Variants in CSMD1 observed in about 807,000 individuals in gnomAD.
CSMD1 encodes the protein CUB and sushi domain-containing protein 1.
Under a neutral mutation model 417.5 loss-of-function variants are expected in CSMD1, and 213 were observed. The ratio of observed to expected loss-of-function variants is 0.51; its 90% CI spans 0.46 to 0.57. The LOEUF is 0.57. Among genes scored for constraint, CSMD1 ranks in the 20% least tolerant of loss-of-function variants. The pLI, the probability that CSMD1 is intolerant of heterozygous loss-of-function variation, is 0.00. For missense variants in CSMD1, 6,923 were observed against 4,529.7 expected, an observed-to-expected ratio of 1.53 and a Z score of -15.17; for synonymous variants, 2,862 against 1,736.8, an observed-to-expected ratio of 1.65 and a Z score of -16.11.
chr8:4,001,611 C>G (rs531385715), intron 4 of CSMD1, among the ~76,000 whole-genome samples: 3 of 152,166 alleles, frequency 2.0e-5, no homozygotes, highest in Admixed American at 6.5e-5. Flanking sequence ...AATGTTATGC[C>G]CCTGTCTAAT....
intron 10 of CSMD1, among the ~76,000 whole-genome samples, chr8:3,498,759 A>G (rs1185220583): frequency 1.3e-5 from 2 of 151,930 alleles, no homozygotes; most frequent in Non-Finnish European, 2.9e-5. Context: ...TTCTTTTTTC[A>G]TCTTGATCTA....
intron 3 of CSMD1, among the ~76,000 whole-genome samples, chr8:4,413,386 G>A (rs1225976282): frequency 6.6e-6 from 1 of 152,110 alleles, no homozygotes; most frequent in Non-Finnish European, 1.5e-5. Flanking sequence ...GTCACAGGTA[G>A]CACATAAGCC....
chr8:4,588,075 A>G (rs538619575), intron 2 of CSMD1, among the ~76,000 whole-genome samples: 2 of 152,280 alleles, frequency 1.3e-5, no homozygotes, highest in Middle Eastern at 3.4e-3. Context: ...AATCTAATAC[A>G]TGTTCAGTAT....
chr8:4,455,854 C>T (rs976520141), intron 2 of CSMD1, among the ~76,000 whole-genome samples: 1 of 130,496 alleles, frequency 7.7e-6, no homozygotes, highest in Admixed American at 9.3e-5. Flanking sequence ...CTGCTTGAAC[C>T]TGGGAGACAG....
intron 5 of CSMD1, among the ~76,000 whole-genome samples, chr8:3,804,061 C>T (rs541088811): frequency 7.8e-4 from 118 of 152,014 alleles, no homozygotes; most frequent in Non-Finnish European, 3.2e-4. Context: ...TGAGTAGCTG[C>T]GATTACAGAC....
chr8:3,250,586 G>A (rs1800187945), intron 26 of CSMD1, among the ~76,000 whole-genome samples: 2 of 152,184 alleles, frequency 1.3e-5, no homozygotes, highest in Admixed American at 1.3e-4. Flanking sequence ...TAATGGGATG[G>A]CTGGGTCAAA....
intron 1 of CSMD1, among the ~76,000 whole-genome samples, chr8:4,934,680 C>G (rs993436893): frequency 1.3e-5 from 2 of 152,088 alleles, no homozygotes; most frequent in Admixed American, 6.5e-5. Flanking sequence ...CATCTATGAT[C>G]CATCTACTTA....
At chr8:2,969,048 T>C (rs1360784855) in intron 57 of CSMD1, among the ~76,000 whole-genome samples, 1 of 152,146 alleles carries the variant, frequency 6.6e-6, no homozygotes, top group East Asian at 1.9e-4. Context: ...TAGATGTGAA[T>C]ATCTGCTCAT....
intron 25 of CSMD1, among the ~76,000 whole-genome samples, chr8:3,287,522 C>T (rs1247791424): frequency 6.6e-6 from 1 of 152,056 alleles, no homozygotes; most frequent in Non-Finnish European, 1.5e-5. Flanking sequence ...CTTCACATCC[C>T]TTGTAAGTTG....
chr8:3,387,187 A>T (rs1454776353), intron 18 of CSMD1, among the ~76,000 whole-genome samples: 4 of 152,202 alleles, frequency 2.6e-5, no homozygotes, highest in Non-Finnish European at 5.9e-5. Context: ...ATGTGTGGCG[A>T]CTATACCGCC....
intron 3 of CSMD1, among the ~76,000 whole-genome samples, chr8:4,132,882 A>G (rs940583967): frequency 1.4e-4 from 21 of 152,210 alleles, no homozygotes; most frequent in African/African-American, 4.3e-4. Context: ...TTCTATTTCT[A>G]GAAAGATTAT....
At chr8:3,302,586 C>G (rs1183309712) in intron 25 of CSMD1, among the ~76,000 whole-genome samples, 3 of 152,188 alleles carry the variant, frequency 2.0e-5, no homozygotes, top group African/African-American at 4.8e-5. Flanking sequence ...GCACTGATCA[C>G]TGGGAGCAAA....
At chr8:4,544,363 A>G (rs938705891) in intron 2 of CSMD1, among the ~76,000 whole-genome samples, 2 of 152,116 alleles carry the variant, frequency 1.3e-5, no homozygotes, top group Non-Finnish European at 2.9e-5. Flanking sequence ...TTATTGAATC[A>G]AAGTTTTTCT....
chr8:3,633,506 C>T (rs1482210), intron 7 of CSMD1, among the ~76,000 whole-genome samples: 2 of 151,960 alleles, frequency 1.3e-5, no homozygotes, highest in Non-Finnish European at 2.9e-5. Flanking sequence ...AATACAGATG[C>T]AATGGCATCA....
chr8:3,775,124 T>C (rs898941599), intron 5 of CSMD1, among the ~76,000 whole-genome samples: 4 of 152,208 alleles, frequency 2.6e-5, no homozygotes, highest in Admixed American at 2.6e-4. Flanking sequence ...CTGTTGACCG[T>C]AGGTAACTGA....
chr8:3,189,127 A>G lies in CSMD1; in HGVS notation c.5399-116T>C, dbSNP rs1796266623. 3.2e-6 allele frequency: 3 copies of G among 948,464 alleles called. No homozygotes were observed. In the South Asian group the frequency reaches 7.3e-5, roughly 23 times the overall value. The allele number at this position is 948,464 out of a possible 1,614,324, so 58.8% of individuals were successfully genotyped here. A position where few individuals can be genotyped will look rare whatever the true frequency, so the allele number is the denominator to read the frequency against. ...TAAGAGAAAATGTACATGAACAATG[A>G]TACGTTAAACGGCACTTTTAGCCAA... is the stretch of plus-strand genomic sequence containing the variant. On this transcript the variant is annotated intron_variant, in intron 34 of 69. Coordinates refer to ENST00000635120, the MANE Select transcript of CSMD1 (RefSeq NM_033225.6).
chr8:3,703,793 G>A (rs890374193), intron 7 of CSMD1, among the ~76,000 whole-genome samples: 3 of 152,104 alleles, frequency 2.0e-5, no homozygotes, highest in South Asian at 2.1e-4. Flanking sequence ...ACTCTCAGCT[G>A]GGCATGGTGG....
intron 3 of CSMD1, among the ~76,000 whole-genome samples, chr8:4,198,416 C>T (rs1409430008): frequency 6.6e-6 from 1 of 152,036 alleles, no homozygotes; most frequent in Non-Finnish European, 1.5e-5. Context: ...TTCAGATTGG[C>T]AATATAGATA....
At chr8:3,137,825 C>G (rs946419122) in intron 41 of CSMD1, among the ~76,000 whole-genome samples, 1 of 152,218 alleles carries the variant, frequency 6.6e-6, no homozygotes, top group Admixed American at 6.5e-5. Flanking sequence ...TGAATCCACA[C>G]ATGCAGAACT....
Sources: gnomAD v4.1 joint callset for allele counts (sites outside exome capture counted in the v4.1 genomes callset) on GRCh38, gnomAD v4.1.1 for gene constraint, MANE v1.5 for transcripts, NCBI Gene and HGNC (gene_info 2026-07-23, HGNC 2026-07-21) for gene names.